Variants in IL4R observed in about 807,000 individuals in gnomAD.
IL4R encodes the protein interleukin-4 receptor subunit alpha.
A neutral mutation model predicts 41.5 loss-of-function variants in IL4R; 17 were observed. That is an observed-to-expected ratio of 0.41 (90% CI 0.28 to 0.61). The LOEUF (loss-of-function observed/expected upper bound fraction) is 0.61, where lower values mean the gene tolerates loss of function less well. Ranked by LOEUF, IL4R falls within the 20% of genes least tolerant of loss-of-function variation. The pLI is 0.31. For synonymous variants in IL4R, 402 were observed against 422.9 expected (o/e 0.95, Z 0.61); for missense variants, 974 against 1,043.1 (o/e 0.93, Z 0.91).
chr16:27,359,666 C>T, intron 9 of IL4R: 1 of 396,064 alleles, frequency 2.5e-6, no homozygotes, highest in South Asian at 1.8e-5. Flanking sequence ...TGGACTTGAG[C>T]AAGTTGCTTA....
intron 6 of IL4R, 114 bp downstream of exon 6, chr16:27,346,732 A>G (rs2085660422): frequency 9.6e-6 from 11 of 1,140,696 alleles, no homozygotes; most frequent in Admixed American, 1.9e-5. Flanking sequence ...GGGGCTGGAT[A>G]GCAAATCCCA....
At position 27,363,098 on chromosome 16, in the gene IL4R, G is replaced by A. The variant is rs1596547391; in HGVS notation, c.1746G>A (p.Val582=). Residue 582 remains valine, a synonymous_variant, in exon 11 of 11, where the codon GTG becomes GTA. Transcript: ENST00000395762. ...TSGYQEFVHA[V]EQGGTQASAV... ...GCTATCAGGAGTTTGTACATGCGGT[G>A]GAGCAGGGTGGCACCCAGGCCAGTG... 1 of 1,614,106 alleles carries A rather than the reference G, an allele frequency of 6.2e-7. No individual in the cohort carries two copies. The highest frequency in any genetic ancestry group is 8.5e-7 in the Non-Finnish European group (1 of 1,180,032).
At chr16:27,315,893 T>C (rs8060025) in intron 1 of IL4R, among the ~76,000 whole-genome samples, 2 of 151,918 alleles carry the variant, frequency 1.3e-5, no homozygotes, top group African/African-American at 4.8e-5. Context: ...ACTCACCCCA[T>C]TTACAACACA....
chr16:27,325,701 G>T (rs978788621), intron 1 of IL4R, among the ~76,000 whole-genome samples: 2 of 152,066 alleles, frequency 1.3e-5, no homozygotes, highest in African/African-American at 4.8e-5. Context: ...GTTAAAATAA[G>T]AATAAAATAA....
At chr16:27,322,970 A>T (rs1158393638) in intron 1 of IL4R, among the ~76,000 whole-genome samples, 1 of 151,494 alleles carries the variant, frequency 6.6e-6, no homozygotes, top group African/African-American at 2.4e-5. Flanking sequence ...TTAGGCCCAG[A>T]GTTATGCTTC....
At chr16:27,359,358 G>A (rs2086202966) in intron 9 of IL4R, among the ~76,000 whole-genome samples, 1 of 152,164 alleles carries the variant, frequency 6.6e-6, no homozygotes. Context: ...GGCTTTCTGT[G>A]TCTTCTTCTT....
rs1262272948 is a variant in IL4R at position 27,328,007 on chromosome 16, C to G, written c.-151-2059C>G. On this transcript the variant is annotated intron_variant, in intron 1 of 10. Transcript: ENST00000395762. ...CAGGCGGATCAGGAGGTCAAGAGAT[C>G]GAGACCATCCTGGCCAACATGGTGA... is the stretch of plus-strand genomic sequence containing the variant. Among the ~76,000 whole-genome samples, 5 of 151,672 alleles carry G rather than the reference C, an allele frequency of 3.3e-5. No homozygotes were observed. The East Asian group carries it at 7.8e-4, about 24-fold the overall frequency.
chr16:27,321,425 G>C (rs1053928075), intron 1 of IL4R, among the ~76,000 whole-genome samples: 1 of 152,220 alleles, frequency 6.6e-6, no homozygotes, highest in Non-Finnish European at 1.5e-5. Context: ...GAGTCAACTG[G>C]TTGGAGTCCC....
intron 7 of IL4R, chr16:27,354,052 C>T (rs149905257): frequency 1.3e-5 from 2 of 152,318 alleles, no homozygotes; most frequent in African/African-American, 4.8e-5. Flanking sequence ...CGCATCACTT[C>T]CTCTCAAATT....
intron 1 of IL4R, among the ~76,000 whole-genome samples, chr16:27,325,323 G>A (rs1376258519): frequency 6.6e-6 from 1 of 152,118 alleles, no homozygotes; most frequent in Non-Finnish European, 1.5e-5. Flanking sequence ...TGTAATCCCA[G>A]CACTTTGGGA....
At chr16:27,360,849 C>T (rs779845396) in intron 10 of IL4R, 34 bp downstream of exon 10, 1 of 1,614,138 alleles carries the variant, frequency 6.2e-7, no homozygotes, top group Non-Finnish European at 8.5e-7. Flanking sequence ...AGCCTGCATG[C>T]ATTGGGAAGG....
At chr16:27,346,321 G>C in intron 5 of IL4R, 146 bp from the exon 6 acceptor site, 1 of 646,824 alleles carries the variant, frequency 1.5e-6, no homozygotes, top group Non-Finnish European at 2.7e-6. Context: ...CTATGGCTCT[G>C]AATCTGTGTG....
At chr16:27,346,709 G>A in intron 6 of IL4R, 91 bp downstream of exon 6, 1 of 1,424,160 alleles carries the variant, frequency 7.0e-7, no homozygotes, top group Non-Finnish European at 9.8e-7. Context: ...CAGGAGCCTG[G>A]GAGGCAAGCC....
Position 27,316,761 on chromosome 16 carries a change from C to T in IL4R, c.-152+2741C>T, listed in dbSNP as rs554146649. Among the ~76,000 whole-genome samples the T allele has an allele frequency of 1.4e-4, 21 of 152,316 alleles. No individual in the cohort carries two copies. In the South Asian group the frequency reaches 4.4e-3, roughly 32 times the overall value. On this transcript the variant is annotated intron_variant, in intron 1 of 10. Coordinates refer to ENST00000395762, the MANE Select transcript of IL4R (RefSeq NM_000418.4). ...GCTGGCTTTGCTGCTTACTGTGTAA[C>T]TGACTTCCCAGAGCCTCAGTTTCTG...
intron 10 of IL4R, 140 bp downstream of exon 10, chr16:27,360,955 AGGAGGAG>A: frequency 6.4e-7 from 1 of 1,554,952 alleles, no homozygotes; most frequent in Non-Finnish European, 8.7e-7. Context: ...AAGGGACGGC[AGGAGGAG>A]GGGTGTTCTG....
rs1029165231 is a variant in IL4R, at chr16:27,361,046, G to A, written c.899+231G>A. 25 of 1,416,292 alleles carry A rather than the reference G, an allele frequency of 1.8e-5. 1 individual carries two copies. The highest frequency in any genetic ancestry group is 1.2e-4 in the South Asian group (8 of 66,218). 87.7% of individuals were successfully genotyped at this position (1,416,292 alleles called of 1,614,324 possible). The stretch of plus-strand genomic sequence containing the variant: ...GTACATGGTGATACCCCTTGGGAGT[G>A]CTGTTATAGTTAACAACCAGAGCAG... On this transcript the variant is annotated intron_variant, in intron 10 of 10. Transcript: ENST00000395762.
At chr16:27,328,372 C>T (rs2085022450) in intron 1 of IL4R, among the ~76,000 whole-genome samples, 1 of 151,840 alleles carries the variant, frequency 6.6e-6, no homozygotes, top group Admixed American at 6.6e-5. Context: ...GCCTCTCAGC[C>T]TCCCGAGTAG....
In IL4R at chr16:27,352,542, C is replaced by G. The variant is rs1378486234; in HGVS notation, c.516C>G (p.Phe172Leu). 1.9e-6 allele frequency: 3 copies of G among 1,613,956 alleles called. No homozygotes were observed. The highest frequency in any genetic ancestry group is 2.5e-6 in the Non-Finnish European group (3 of 1,179,982). ...AACATCTCCCTTTTCTCTACCAGTT[C>G]AGAATCTATAACGTGACCTACCTAG... ...NIWSENDPAD[F>L]RIYNVTYLEP... Residue 172 changes from phenylalanine to leucine, a missense_variant and splice_region_variant, in exon 7 of 11, where the codon TTC becomes TTG. By Grantham distance (22) the Phe-to-Leu change is conservative. Around this residue, in one of 3 missense-constraint regions of IL4R, gnomAD observed 284 missense variants for 313.4 expected, o/e 0.91. Coordinates refer to ENST00000395762, the MANE Select transcript of IL4R (RefSeq NM_000418.4).
At chr16:27,343,466 G>A (rs186567187) in intron 4 of IL4R, among the ~76,000 whole-genome samples, 1 of 152,142 alleles carries the variant, frequency 6.6e-6, no homozygotes, top group African/African-American at 2.4e-5. Context: ...CGCTCTTGTT[G>A]CCCAGGCTGG....
Sources: gnomAD v4.1 joint callset for allele counts (sites outside exome capture counted in the v4.1 genomes callset) on GRCh38, gnomAD v4.1.1 for gene constraint, gnomAD v4.1.1 regional missense constraint, MANE v1.5 for transcripts, NCBI Gene and HGNC (gene_info 2026-07-23, HGNC 2026-07-21) for gene names.